UBQLN4: variants seen among roughly 807,000 people sequenced by gnomAD.
UBQLN4 encodes the protein ubiquilin-4.
Under a neutral mutation model 60.4 loss-of-function variants are expected in UBQLN4, and 11 were observed. The ratio of observed to expected loss-of-function variants is 0.18; its 90% confidence interval spans 0.11 to 0.30. UBQLN4 has a LOEUF of 0.30. Ranked by LOEUF, UBQLN4 falls within the 10% of genes least tolerant of loss-of-function variation. The pLI, the probability that UBQLN4 is intolerant of heterozygous loss-of-function variation, is 1.00. For synonymous variants in UBQLN4, 258 were observed against 313.1 expected, an observed-to-expected ratio of 0.82 and a Z score of 1.86; for missense variants, 417 against 795.5, an observed-to-expected ratio of 0.52 and a Z score of 5.72.
chr1:156,038,636 G>A (rs1683466675), intron 10 of UBQLN4, among the ~76,000 whole-genome samples: 2 of 151,952 alleles, frequency 1.3e-5, no homozygotes, highest in Admixed American at 1.3e-4. Flanking sequence ...CAGCATGGGG[G>A]ACAGAGTGAG....
At chr1:156,051,454 T>C in intron 2 of UBQLN4, 127 bp from the exon 3 acceptor site, 1 of 1,260,042 alleles carries the variant, frequency 7.9e-7, no homozygotes, top group Non-Finnish European at 1.1e-6. Context: ...GTCCTGAGGC[T>C]GGAGTGGGGT....
At chr1:156,032,721 T>C (rs763428457), downstream of UBQLN4, among the ~76,000 whole-genome samples, 2 of 152,152 alleles carry the variant, frequency 1.3e-5, no homozygotes, top group Non-Finnish European at 2.9e-5. Context: ...TCCATGCTTC[T>C]CTGCGGCACT....
In UBQLN4 at chr1:156,050,078, C is replaced by T. The variant is rs141671339; in HGVS notation, c.741+213G>A. On this transcript the variant is annotated intron_variant, in intron 4 of 10. Coordinates refer to ENST00000368309, the MANE Select transcript of UBQLN4 (RefSeq NM_020131.5). This position sits in a 1 kb window ranked among gnomAD's most constrained non-coding sequence, Gnocchi z 4.6. ...ATTATCCTTCTGATAGCAATGGCCACATTGTATTCTAATTGCCGGTTTACT... is the reference window on the plus strand; with the variant it reads ...ATTATCCTTCTGATAGCAATGGCCATATTGTATTCTAATTGCCGGTTTACT... 5.9e-5 allele frequency among the ~76,000 whole-genome samples: 9 copies of T among 152,348 alleles called. No homozygotes were observed. The highest frequency in any genetic ancestry group is 1.9e-4 in the African/African-American group (8 of 41,578).
At chr1:156,046,129 C>T (rs567139253) in intron 5 of UBQLN4, among the ~76,000 whole-genome samples, 4 of 151,842 alleles carry the variant, frequency 2.6e-5, no homozygotes, top group African/African-American at 4.8e-5. Flanking sequence ...TATAGGCATG[C>T]GCCACTACGC....
chr1:156,044,354 C>T (rs1298500704), intron 5 of UBQLN4, 131 bp from the exon 6 acceptor site: 25 of 816,070 alleles, frequency 3.1e-5, no homozygotes, highest in Non-Finnish European at 4.3e-5. Context: ...CCTTAGAGGT[C>T]CTCAGTTCAG....
At position 156,036,929 on chromosome 1, in the gene UBQLN4, G is replaced by A. The variant is rs765641918; in HGVS notation, c.*49C>T. 9.4e-6 allele frequency: 15 copies of A among 1,595,834 alleles called. No individual in the cohort carries two copies. The highest frequency in any genetic ancestry group is 8.1e-5 in the African/African-American group (6 of 74,422). On this transcript the variant is annotated 3_prime_UTR_variant, in exon 11 of 11. Transcript: ENST00000368309. ...GAGGGTAAGGATTGACAGAAGAACC[G>A]AATGCTGACATCGAGGGAGGGGAGA...
chr1:156,041,913 T>A lies in UBQLN4; in HGVS notation c.1425A>T (p.Gly475=), dbSNP rs765403017. Residue 475 remains glycine (G), a synonymous_variant, in exon 9 of 11, where the codon GGA becomes GGT. Coordinates refer to ENST00000368309, the MANE Select transcript of UBQLN4 (RefSeq NM_020131.5). ...AMQALLQIQQ[G]LQTLQTEAPG... is the part of the protein sequence containing the mutation. ...GGGCCTCGGTCTGCAAGGTCTGTAG[T>A]CCCTGCTGGATCTGCAGCAATGCCT... The A allele has an allele frequency of 9.9e-6, 16 of 1,613,898 alleles. No individual in the cohort carries two copies. In the South Asian group the frequency reaches 1.6e-4, roughly 17 times the overall value.
rs532087629 is a variant in UBQLN4, at chr1:156,036,928, C to T, written c.*50G>A. 62 of 1,593,492 alleles carry T rather than the reference C, an allele frequency of 3.9e-5. No individual in the cohort carries two copies. The highest frequency in any genetic ancestry group is 2.0e-4 in the Middle Eastern group (1 of 5,076). ...AGAGGGTAAGGATTGACAGAAGAAC[C>T]GAATGCTGACATCGAGGGAGGGGAG... On this transcript the variant is annotated 3_prime_UTR_variant, in exon 11 of 11. Transcript: ENST00000368309.
chr1:156,041,404 T>TAG, intron 10 of UBQLN4, 81 bp downstream of exon 10: 1 of 1,424,666 alleles, frequency 7.0e-7, no homozygotes, highest in South Asian at 1.6e-5. Flanking sequence ...CTTGCCCTAC[T>TAG]GCCTCTATTC....
intron 1 of UBQLN4, 132 bp from the exon 2 acceptor site, chr1:156,051,989 C>T (rs1469538197): frequency 2.0e-5 from 22 of 1,080,984 alleles, no homozygotes; most frequent in African/African-American, 1.1e-4. Context: ...TCTGTAGTCT[C>T]GACGCCATTC....
intron 6 of UBQLN4, 56 bp downstream of exon 6, chr1:156,043,942 G>A: frequency 6.4e-7 from 1 of 1,569,646 alleles, no homozygotes; most frequent in Non-Finnish European, 8.7e-7. Flanking sequence ...ATTCAGTCCT[G>A]GGACAGAGGG....
Position 156,042,771 on chromosome 1 carries a change from T to C in UBQLN4, c.1266+3A>G, listed in dbSNP as rs754278923. On this transcript the variant is annotated splice_donor_region_variant and intron_variant, in intron 7 of 10. Transcript: ENST00000368309. ...CAATACTCTCCTCATGCTGGTTTCA[T>C]ACCTGAGCAGCAAAGTCGGGGTTCT... The C allele has an allele frequency of 6.2e-7, 1 of 1,613,834 alleles. No individual in the cohort carries two copies. Among genetic ancestry groups the C allele is most frequent in the East Asian group, 2.2e-5 (1 of 44,888 alleles).
downstream of UBQLN4, among the ~76,000 whole-genome samples, chr1:156,034,226 G>A (rs138114406): frequency 5.3e-3 from 795 of 151,284 alleles, 3 homozygotes; most frequent in Non-Finnish European, 8.4e-3. Flanking sequence ...GCCAGGTTTA[G>A]TCTGAGCTCA....
Position 156,050,992 on chromosome 1 carries a change from T to A in UBQLN4, c.478+118A>T. On this transcript the variant is annotated intron_variant, in intron 3 of 10. Coordinates refer to ENST00000368309, the MANE Select transcript of UBQLN4 (RefSeq NM_020131.5). This position sits in a 1 kb window ranked among gnomAD's most constrained non-coding sequence, Gnocchi z 4.6. The stretch of plus-strand genomic sequence containing the variant: ...TCAAGTATCAATGTCTGGAACTCTG[T>A]CATGGGGTCCCCTATCCCCATCAGA... 1 of 990,728 alleles carries A rather than the reference T, an allele frequency of 1.0e-6. No homozygotes were observed. The highest frequency in any genetic ancestry group is 1.5e-6 in the Non-Finnish European group (1 of 655,114). The allele number at this position is 990,728 out of a possible 1,614,324, so 61.4% of individuals were successfully genotyped here.
chr1:156,031,577 C>CTTT (rs58222507), downstream of UBQLN4, among the ~76,000 whole-genome samples: 14 of 122,736 alleles, frequency 1.1e-4, no homozygotes, highest in African/African-American at 1.7e-4. Flanking sequence ...GGAACTTCTT[C>CTTT]TTTTTTTTTT....
intron 5 of UBQLN4, among the ~76,000 whole-genome samples, chr1:156,047,495 A>G (rs1572277866): frequency 6.6e-6 from 1 of 151,492 alleles, no homozygotes; most frequent in Non-Finnish European, 1.5e-5. Context: ...CGCCCACCTC[A>G]GCCTCCCAAA....
chr1:156,045,224 T>C (rs559433322), intron 5 of UBQLN4, among the ~76,000 whole-genome samples: 30 of 152,200 alleles, frequency 2.0e-4, no homozygotes, highest in Non-Finnish European at 3.5e-4. Flanking sequence ...AAGTGGGTCA[T>C]GGGGACCGGG....
At position 156,053,598 on chromosome 1, in the gene UBQLN4, T is replaced by C; in HGVS notation, c.104A>G (p.Lys35Arg). The C allele has an allele frequency of 1.8e-6, 2 of 1,103,182 alleles. No homozygotes were observed. 68.3% of individuals were successfully genotyped at this position (1,103,182 alleles called of 1,614,324 possible). A position where few individuals can be genotyped will look rare whatever the true frequency, so the allele number is the denominator to read the frequency against. Residue 35 changes from lysine (K) to arginine (R), a missense_variant, in exon 1 of 11, where the codon AAG becomes AGG. Physicochemically the swap from Lys to Arg is conservative, Grantham distance 26. Transcript: ENST00000368309. Reference sequence around the variant, plus strand: ...GCCCCCCGCCTGCTGTACTACCTCCTTGACCGAGGCTCGATCGCAGATCAC... The same window carrying C: ...GCCCCCCGCCTGCTGTACTACCTCCCTGACCGAGGCTCGATCGCAGATCAC... ...EIVICDRASV[K>R]EFKEEISRRF...
At chr1:156,034,871 A>ATATG (rs60215858), downstream of UBQLN4, among the ~76,000 whole-genome samples, 4 of 70,062 alleles carry the variant, frequency 5.7e-5, no homozygotes, top group African/African-American at 2.2e-4. Context: ...ATATATATAT[A>ATATG]ATTTTTTTTT....
Sources: gnomAD v4.1 joint callset for allele counts (sites outside exome capture counted in the v4.1 genomes callset) on GRCh38, gnomAD v4.1.1 for gene constraint, Gnocchi (gnomAD v3.1) non-coding constraint, MANE v1.5 for transcripts, NCBI Gene and HGNC (gene_info 2026-07-23, HGNC 2026-07-21) for gene names.